The following ICA1L variants were observed in gnomAD, a reference collection of about 807,000 sequenced individuals.
ICA1L encodes islet cell autoantigen 1 like.
ICA1L carries 50 observed loss-of-function variants against 61.3 expected under a neutral mutation model. The ratio of observed to expected loss-of-function variants is 0.82; its 90% CI spans 0.65 to 1.03. The LOEUF is 1.03. ICA1L is among the 50% of genes least tolerant of loss of function. The pLI, the probability that ICA1L is intolerant of heterozygous loss-of-function variation, is 0.00. For synonymous variants in ICA1L, 161 were observed against 191.3 expected (o/e 0.84, Z 1.31); for missense variants, 508 against 556.7 (o/e 0.91, Z 0.88).
At chr2:202,811,215 T>A (rs1196253517) in intron 9 of ICA1L, among the ~76,000 whole-genome samples, 3 of 152,160 alleles carry the variant, frequency 2.0e-5, no homozygotes, top group Admixed American at 6.5e-5. Context: ...AGCCCAGCTT[T>A]AAAATTTCTC....
intron 1 of ICA1L, among the ~76,000 whole-genome samples, chr2:202,863,693 G>C (rs1385851775): frequency 6.6e-6 from 1 of 151,902 alleles, no homozygotes; most frequent in Non-Finnish European, 1.5e-5. Context: ...CCGGCGTGGT[G>C]GTGGGCGCCT....
intron 1 of ICA1L, among the ~76,000 whole-genome samples, chr2:202,863,117 C>A (rs1574389439): frequency 6.6e-6 from 1 of 151,868 alleles, no homozygotes; most frequent in South Asian, 2.1e-4. Context: ...CATGGTGAAA[C>A]CCCACCTCTA....
intron 10 of ICA1L, among the ~76,000 whole-genome samples, chr2:202,795,812 G>T (rs763267058): frequency 1.3e-5 from 2 of 152,068 alleles, no homozygotes; most frequent in African/African-American, 4.8e-5. Context: ...GGAGGCTGAG[G>T]TGGGCAGATC....
chr2:202,863,851 A>T (rs1687378612), intron 1 of ICA1L, among the ~76,000 whole-genome samples: 1 of 152,040 alleles, frequency 6.6e-6, no homozygotes, highest in Non-Finnish European at 1.5e-5. Context: ...GAATAAAAGA[A>T]GGAACGTCAC....
chr2:202,817,498 T>G lies in ICA1L; in HGVS notation c.604A>C (p.Lys202Gln). The G allele has an allele frequency of 6.2e-7, 1 of 1,611,328 alleles. No individual in the cohort carries two copies. Among genetic ancestry groups the G allele is most frequent in the Non-Finnish European group, 8.5e-7 (1 of 1,178,284 alleles). Residue 202 changes from lysine (K) to glutamine (Q), a missense_variant, in exon 6 of 13, where the codon AAG becomes CAG. Lys to Gln is a moderately conservative substitution (Grantham distance 53, BLOSUM62 1). Transcript: ENST00000358299. ...TCCACTTTCTGACAAACATCCATCT[T>G]TAACTTGTCAAAAGAAGCTTTGCTA... ...RNSKASFDKL[K>Q]MDVCQKVDLL...
At chr2:202,788,227 G>T (rs1692646134) in intron 11 of ICA1L, among the ~76,000 whole-genome samples, 1 of 152,188 alleles carries the variant, frequency 6.6e-6, no homozygotes. Flanking sequence ...TTGGGGGTTG[G>T]AGACCTGTGA....
chr2:202,814,893 T>C (rs1693487871), intron 7 of ICA1L, 109 bp from the exon 8 acceptor site: 10 of 742,502 alleles, frequency 1.3e-5, no homozygotes, highest in Non-Finnish European at 2.3e-5. Context: ...TAGGAAGTTC[T>C]GAACTAGAGA....
intron 1 of ICA1L, among the ~76,000 whole-genome samples, chr2:202,852,881 C>G (rs540098996): frequency 1.3e-5 from 2 of 150,824 alleles, no homozygotes; most frequent in Admixed American, 6.6e-5. Flanking sequence ...TGGAACAGAA[C>G]AGAGCCCTCA....
At chr2:202,786,906 C>A in intron 11 of ICA1L, 1 of 340,586 alleles carries the variant, frequency 2.9e-6, no homozygotes, top group Non-Finnish European at 5.7e-6. Context: ...TTTGCTACAA[C>A]ATGAAAAACC....
intron 1 of ICA1L, among the ~76,000 whole-genome samples, chr2:202,851,961 G>C (rs1574379629): frequency 2.0e-5 from 3 of 152,138 alleles, no homozygotes; most frequent in Admixed American, 2.0e-4. Context: ...TAGGTTGCCT[G>C]TTCATTCTCA....
chr2:202,774,227 G>A lies in ICA1L; in HGVS notation c.*5306C>T. ...CAGCGCCGGATCGAAGGCGCGGGGCGGCTCCTGAGTCTTCTCGCTCCTGTC... is the reference window on the plus strand; with the variant it reads ...CAGCGCCGGATCGAAGGCGCGGGGCAGCTCCTGAGTCTTCTCGCTCCTGTC... On this transcript the variant is annotated 3_prime_UTR_variant, in exon 13 of 13. Coordinates refer to ENST00000358299, the MANE Select transcript of ICA1L (RefSeq NM_001288622.3). The A allele has an allele frequency of 2.6e-6, 4 of 1,549,424 alleles. No homozygotes were observed. Among genetic ancestry groups the A allele is most frequent in the Non-Finnish European group, 3.5e-6 (4 of 1,146,240 alleles).
At chr2:202,781,226 AT>A (rs1433513734) in intron 12 of ICA1L, among the ~76,000 whole-genome samples, 1 of 152,176 alleles carries the variant, frequency 6.6e-6, no homozygotes, top group Non-Finnish European at 1.5e-5. Flanking sequence ...AAAAGCCCAA[AT>A]TAAACATAAT....
rs1559121725 is a variant in ICA1L, at chr2:202,775,204, G to C, written c.*4329C>G. Reference sequence around the variant, plus strand: ...AGTTCTACTAAATTAATATTTTAAAGTTCGTTTTTCCTTCCTAATTTCTAT... The same window carrying C: ...AGTTCTACTAAATTAATATTTTAAACTTCGTTTTTCCTTCCTAATTTCTAT... On this transcript the variant is annotated 3_prime_UTR_variant, in exon 13 of 13. Coordinates refer to ENST00000358299, the MANE Select transcript of ICA1L (RefSeq NM_001288622.3). The C allele has an allele frequency of 6.6e-6, 1 of 152,266 alleles. No homozygotes were observed. Among genetic ancestry groups the C allele is most frequent in the South Asian group, 2.1e-4 (1 of 4,830 alleles). 9.4% of individuals were successfully genotyped at this position (152,266 alleles called of 1,614,324 possible). A position where few individuals can be genotyped will look rare whatever the true frequency, so the allele number is the denominator to read the frequency against.
At chr2:202,852,457 T>C (rs1335478368) in intron 1 of ICA1L, among the ~76,000 whole-genome samples, 1 of 151,528 alleles carries the variant, frequency 6.6e-6, no homozygotes. Context: ...GATCACAAGG[T>C]CAGGAGATCG....
intron 10 of ICA1L, among the ~76,000 whole-genome samples, chr2:202,796,647 A>G (rs1157433865): frequency 6.6e-6 from 1 of 152,240 alleles, no homozygotes; most frequent in East Asian, 1.9e-4. Flanking sequence ...TGGTTGAGAT[A>G]CATGAGACAG....
chr2:202,809,124 GAAGCTCAGCGA>G (rs1693305805), intron 9 of ICA1L, among the ~76,000 whole-genome samples: 2 of 152,000 alleles, frequency 1.3e-5, no homozygotes, highest in Non-Finnish European at 1.5e-5. Flanking sequence ...CTGTTTTGAG[GAAGCTCAGCGA>G]AATTCAAGAT....
chr2:202,862,788 G>A (rs1215557663), intron 1 of ICA1L, among the ~76,000 whole-genome samples: 1 of 151,622 alleles, frequency 6.6e-6, no homozygotes, highest in Non-Finnish European at 1.5e-5. Flanking sequence ...AGTGAGTTGA[G>A]ATTGTGCCAT....
intron 1 of ICA1L, among the ~76,000 whole-genome samples, chr2:202,832,834 G>A (rs181012635): frequency 8.6e-4 from 131 of 152,178 alleles, no homozygotes; most frequent in African/African-American, 2.5e-3. Context: ...GAAGATGGCA[G>A]AAGTCAAAAG....
chr2:202,811,012 G>A (rs561862392), intron 9 of ICA1L, among the ~76,000 whole-genome samples: 9 of 152,130 alleles, frequency 5.9e-5, no homozygotes, highest in Admixed American at 1.3e-4. Flanking sequence ...TTTTAACTTC[G>A]CCCCTGTCCT....
Sources: gnomAD v4.1 joint callset for allele counts (sites outside exome capture counted in the v4.1 genomes callset) on GRCh38, gnomAD v4.1.1 for gene constraint, MANE v1.5 for transcripts, NCBI Gene and HGNC (gene_info 2026-07-23, HGNC 2026-07-21) for gene names.